The following PIK3C3 variants were observed in gnomAD, a reference collection of about 807,000 sequenced individuals.
PIK3C3 encodes the protein phosphatidylinositol 3-kinase catalytic subunit type 3, also known as PI3-kinase type 3.
PIK3C3 carries 95 observed loss-of-function variants against 126.1 expected under a neutral mutation model. The observed-to-expected ratio is 0.75, with a 90% CI of 0.64 to 0.89. PIK3C3 has a LOEUF of 0.89. PIK3C3 is among the 40% of genes least tolerant of loss of function. The pLI, the probability that PIK3C3 is intolerant of heterozygous loss-of-function variation, is 0.00. For missense variants in PIK3C3, 829 were observed against 1,063.2 expected (o/e 0.78, Z 3.06); for synonymous variants, 374 against 360.0 (o/e 1.04, Z -0.44).
intron 24 of PIK3C3, among the ~76,000 whole-genome samples, chr18:42,079,637 AC>A (rs1229422111): frequency 1.3e-5 from 2 of 152,356 alleles, no homozygotes; most frequent in Non-Finnish European, 2.9e-5. Flanking sequence ...GCACAATAAA[AC>A]AAGGTATGCT....
intron 11 of PIK3C3, among the ~76,000 whole-genome samples, chr18:42,013,980 A>G (rs1982950935): frequency 6.6e-6 from 1 of 152,164 alleles, no homozygotes; most frequent in Non-Finnish European, 1.5e-5. Flanking sequence ...AGTGCTTAGT[A>G]AGTCTTAGCT....
chr18:42,004,910 A>G (rs530826094), intron 10 of PIK3C3, among the ~76,000 whole-genome samples: 13 of 152,316 alleles, frequency 8.5e-5, no homozygotes, highest in African/African-American at 3.1e-4. Context: ...TCAGTATACA[A>G]CAAGCCACAT....
At chr18:42,006,472 G>A (rs1433160626) in intron 10 of PIK3C3, among the ~76,000 whole-genome samples, 1 of 152,170 alleles carries the variant, frequency 6.6e-6, no homozygotes, top group African/African-American at 2.4e-5. Flanking sequence ...CAGAGGTTGA[G>A]AGGGTAGAGC....
rs16975526 is a variant in PIK3C3, at chr18:42,004,523, G to A, written c.1152G>A (p.Leu384=). The A allele has an allele frequency of 1.6e-3, 2,595 of 1,592,914 alleles. 40 individuals carry two copies. In the African/African-American group the frequency reaches 0.032, roughly 20 times the overall value. The change falls in exon 10 of 25, where the codon TTG becomes TTA. Residue 384 remains leucine (L), a synonymous_variant. Transcript: ENST00000262039. ...PTVRRYAVAR[L]RQADDEDLLM... is the part of the protein sequence containing the mutation. ...TGAGGCGTTATGCTGTTGCCCGGTT[G>A]CGACAGGCCGATGATGAGGTGCATT...
intron 12 of PIK3C3, 81 bp downstream of exon 12, chr18:42,015,647 T>A: frequency 3.3e-6 from 3 of 899,392 alleles, no homozygotes; most frequent in Non-Finnish European, 5.4e-6. Context: ...AAACCTCAAT[T>A]TTGATTAAAT....
At chr18:42,011,334 C>G (rs1982817085) in intron 10 of PIK3C3, among the ~76,000 whole-genome samples, 1 of 152,210 alleles carries the variant, frequency 6.6e-6, no homozygotes, top group African/African-American at 2.4e-5. Flanking sequence ...GTATAGTCAC[C>G]TGCATCAATA....
intron 24 of PIK3C3, 64 bp from the exon 25 acceptor site, chr18:42,081,059 A>G (rs918543210): frequency 9.5e-6 from 9 of 952,112 alleles, no homozygotes; most frequent in East Asian, 2.6e-5. Flanking sequence ...ACTATAGACT[A>G]TTGTTTATCT....
chr18:41,981,246 A>G (rs1981184108), intron 4 of PIK3C3, among the ~76,000 whole-genome samples: 1 of 152,128 alleles, frequency 6.6e-6, no homozygotes, highest in South Asian at 2.1e-4. Flanking sequence ...ATTTGTCTGG[A>G]AACCAATGAT....
At chr18:41,970,514 T>C in intron 4 of PIK3C3, 58 bp downstream of exon 4, 1 of 1,460,444 alleles carries the variant, frequency 6.8e-7, no homozygotes, top group Non-Finnish European at 9.6e-7. Context: ...TTGTAGTATA[T>C]ATACCTTGAC....
intron 4 of PIK3C3, among the ~76,000 whole-genome samples, chr18:41,971,836 TTCTAAG>T (rs1980681923): frequency 6.6e-6 from 1 of 151,994 alleles, no homozygotes; most frequent in Admixed American, 6.6e-5. Context: ...GTAGGTGAAA[TTCTAAG>T]TCTGAGGGGG....
rs1986382060 is a variant in PIK3C3 at position 42,085,586 on chromosome 18, T to C, written c.*4449T>C. 2.0e-5 allele frequency: 3 copies of C among 152,212 alleles called. No individual in the cohort carries two copies. The highest frequency in any genetic ancestry group is 4.8e-5 in the African/African-American group (2 of 41,452). 9.4% of individuals were successfully genotyped at this position (152,212 alleles called of 1,614,324 possible). Reference sequence around the variant, plus strand: ...GTGGACCCACTGCATAGTGTAACTTTGGGATGAATTTAAAAGAATATTTAA... The same window carrying C: ...GTGGACCCACTGCATAGTGTAACTTCGGGATGAATTTAAAAGAATATTTAA... On this transcript the variant is annotated 3_prime_UTR_variant, in exon 25 of 25. Transcript: ENST00000262039.
rs1393424660 is a variant in PIK3C3 at position 42,082,211 on chromosome 18, A to G, written c.*1074A>G. ...TAGTCATATGACTTGGTCTTGGAAG[A>G]AAAAGAATTGTTTTGGTGCTGAATA... On this transcript the variant is annotated 3_prime_UTR_variant, in exon 25 of 25. Coordinates refer to ENST00000262039, the MANE Select transcript of PIK3C3 (RefSeq NM_002647.4). 6.6e-6 allele frequency: 1 copy of G among 152,218 alleles called. No homozygotes were observed. The highest frequency in any genetic ancestry group is 1.5e-5 in the Non-Finnish European group (1 of 68,042). The allele number at this position is 152,218 out of a possible 1,614,324, so 9.4% of individuals were successfully genotyped here. A position where few individuals can be genotyped will look rare whatever the true frequency, so the allele number is the denominator to read the frequency against.
chr18:41,985,733 T>G (rs1482382069), intron 4 of PIK3C3, among the ~76,000 whole-genome samples: 1 of 152,156 alleles, frequency 6.6e-6, no homozygotes, highest in Non-Finnish European at 1.5e-5. Flanking sequence ...TGGCATGCTG[T>G]CCATACATTC....
intron 24 of PIK3C3, among the ~76,000 whole-genome samples, chr18:42,074,567 G>A (rs575928946): frequency 1.5e-4 from 23 of 152,154 alleles, no homozygotes; most frequent in African/African-American, 5.5e-4. Flanking sequence ...TTAGTATTTA[G>A]TTGTGAAACC....
At chr18:41,981,805 CAA>C (rs56360707) in intron 4 of PIK3C3, among the ~76,000 whole-genome samples, 8 of 109,684 alleles carry the variant, frequency 7.3e-5, no homozygotes, top group Admixed American at 8.7e-5. Context: ...ACTAAAAATA[CAA>C]AAAAAAAAAA....
chr18:42,064,056 A>G (rs1985433549), intron 22 of PIK3C3, among the ~76,000 whole-genome samples: 1 of 152,188 alleles, frequency 6.6e-6, no homozygotes, highest in African/African-American at 2.4e-5. Flanking sequence ...TCAGAATAGT[A>G]ACATTTGTTC....
intron 23 of PIK3C3, 25 bp downstream of exon 23, chr18:42,064,855 A>C: frequency 3.3e-6 from 4 of 1,198,300 alleles, no homozygotes; most frequent in Non-Finnish European, 5.0e-6. Flanking sequence ...ACATAAATGA[A>C]GAGCTCTTCT....
chr18:42,050,173 A>C (rs1984739298), intron 21 of PIK3C3: 3 of 152,246 alleles, frequency 2.0e-5, no homozygotes, highest in Non-Finnish European at 4.4e-5. Context: ...GAAAGCCAAT[A>C]ATGGATACAA....
intron 7 of PIK3C3, among the ~76,000 whole-genome samples, chr18:41,994,533 G>A (rs1425424197): frequency 6.6e-6 from 1 of 152,016 alleles, no homozygotes; most frequent in Non-Finnish European, 1.5e-5. Context: ...ACACACATGT[G>A]TAAACCAATA....
Sources: allele counts gnomAD v4.1 joint callset (sites outside exome capture counted in the v4.1 genomes callset), GRCh38; gene constraint gnomAD v4.1.1; transcripts MANE v1.5; gene names NCBI Gene and HGNC (gene_info 2026-07-23, HGNC 2026-07-21).